The following CLCN5 variants were observed in gnomAD, a reference collection of about 807,000 sequenced individuals.
The protein encoded by CLCN5 is H(+)/Cl(-) exchange transporter 5.
Under a neutral mutation model 54.0 loss-of-function variants are expected in CLCN5, and 17 were observed. The observed-to-expected ratio is 0.31, with a 90% CI of 0.22 to 0.47. The LOEUF (loss-of-function observed/expected upper bound fraction) is 0.47. CLCN5 is among the 20% of genes least tolerant of loss of function. The probability of loss-of-function intolerance (pLI) is 1.00; values close to 1 mark genes in which losing one functional copy is unlikely to be tolerated. For synonymous variants in CLCN5, 222 were observed against 233.0 expected (o/e 0.95, Z 0.43); for missense variants, 448 against 646.7 (o/e 0.69, Z 3.33).
chrX:50,079,610 G>A (rs1557192713), intron 7 of CLCN5, among the ~76,000 whole-genome samples: 1 of 112,022 alleles, frequency 8.9e-6, no homozygotes, highest in East Asian at 2.8e-4. Context: ...TTAAAAAATA[G>A]TTGTTTCCAT....
At chrX:49,999,614 G>A (rs1380590709) in intron 3 of CLCN5, among the ~76,000 whole-genome samples, 1 of 111,106 alleles carries the variant, frequency 9.0e-6, no homozygotes. Flanking sequence ...CCTTTTAGCT[G>A]AGGGGAAAAA....
chrX:50,007,440 T>TCA (rs1198364892), intron 3 of CLCN5, among the ~76,000 whole-genome samples: 4,110 of 69,278 alleles, frequency 0.059, 89 homozygotes, highest in African/African-American at 0.085. Context: ...TCTCTCTCTG[T>TCA]CACACACACA....
intron 3 of CLCN5, among the ~76,000 whole-genome samples, chrX:49,984,026 C>G (rs1347545750): frequency 9.0e-6 from 1 of 111,042 alleles, no homozygotes; most frequent in Admixed American, 9.6e-5. Context: ...GATTGGATAT[C>G]TTTTTGGGGT....
intron 3 of CLCN5, among the ~76,000 whole-genome samples, chrX:49,949,708 G>A (rs1926936633): frequency 9.0e-6 from 1 of 111,446 alleles, no homozygotes; most frequent in Non-Finnish European, 1.9e-5. Flanking sequence ...CCTAAATACT[G>A]TACGTGAATG....
At position 49,938,369 on chromosome X, in the gene CLCN5, C is replaced by T. The variant is rs782064127; in HGVS notation, c.16+13055C>T. On this transcript the variant is annotated intron_variant, in intron 3 of 14. Transcript: ENST00000376091. ...CAAAAGAACAAAGCTGGAGACATCA[C>T]GCTACCTGACTTCAAACTATACTAC... is the stretch of plus-strand genomic sequence containing the variant. Among the ~76,000 whole-genome samples the T allele has an allele frequency of 5.2e-4, 58 of 111,649 alleles. 2 individuals carry two copies. In the Middle Eastern group the frequency reaches 0.014, roughly 26 times the overall value.
chrX:50,094,609 T>C lies in CLCN5; in HGVS notation c.*2390T>C, dbSNP rs1934202349. On this transcript the variant is annotated 3_prime_UTR_variant, in exon 15 of 15. Transcript: ENST00000376091. ...GACAGATGAGCCAGTGTTAAGGTGC[T>C]ACTTCAGAGAATAAATTAGAGAAAT... is the stretch of plus-strand genomic sequence containing the variant. 8.9e-6 allele frequency: 1 copy of C among 112,690 alleles called. No homozygotes were observed. Among genetic ancestry groups the C allele is most frequent in the East Asian group, 2.8e-4 (1 of 3,585 alleles). The allele number at this position is 112,690 out of a possible 1,213,427, so 9.3% of individuals were successfully genotyped here. A position where few individuals can be genotyped will look rare whatever the true frequency, so the allele number is the denominator to read the frequency against.
intron 8 of CLCN5, 143 bp downstream of exon 8, chrX:50,080,859 T>TAGA: frequency 1.9e-6 from 1 of 523,685 alleles, no homozygotes; most frequent in Non-Finnish European, 3.3e-6. Flanking sequence ...ACCTAGGTCT[T>TAGA]TCCACAAGTC....
intron 3 of CLCN5, among the ~76,000 whole-genome samples, chrX:49,991,653 C>A (rs782575721): frequency 6.4e-4 from 72 of 111,888 alleles, no homozygotes; most frequent in African/African-American, 2.1e-3. Flanking sequence ...GTTTTTCTGG[C>A]AAGGTGTTTA....
chrX:49,989,645 G>A (rs1929160778), intron 3 of CLCN5, among the ~76,000 whole-genome samples: 1 of 111,796 alleles, frequency 8.9e-6, no homozygotes, highest in Non-Finnish European at 1.9e-5. Context: ...TAACCTTTTG[G>A]CTACTGTATG....
At chrX:49,965,338 C>T (rs1927787784) in intron 3 of CLCN5, among the ~76,000 whole-genome samples, 1 of 112,045 alleles carries the variant, frequency 8.9e-6, no homozygotes, top group Non-Finnish European at 1.9e-5. Flanking sequence ...TTTCAGTGTA[C>T]ATACAGGTCT....
At chrX:50,025,498 C>G (rs1044696865) in intron 3 of CLCN5, among the ~76,000 whole-genome samples, 1 of 110,909 alleles carries the variant, frequency 9.0e-6, no homozygotes, top group Non-Finnish European at 1.9e-5. Context: ...CATCTTGGCT[C>G]CTCCCCCTAC....
chrX:49,923,729 A>G (rs781906564), intron 2 of CLCN5: 1 of 112,141 alleles, frequency 8.9e-6, no homozygotes, highest in East Asian at 2.8e-4. Flanking sequence ...TGCTGAATTC[A>G]CCCTAGGAGT....
intron 3 of CLCN5, among the ~76,000 whole-genome samples, chrX:49,962,201 AAG>A (rs1184123143): frequency 1.8e-5 from 2 of 112,181 alleles, no homozygotes; most frequent in African/African-American, 6.5e-5. Flanking sequence ...ATTTTATTGA[AAG>A]AGTCAAAAAG....
chrX:49,992,925 A>G (rs1929335864), intron 3 of CLCN5, among the ~76,000 whole-genome samples: 1 of 112,031 alleles, frequency 8.9e-6, no homozygotes, highest in Admixed American at 9.5e-5. Context: ...TAGGGTGTGT[A>G]ACTGGTGTGC....
chrX:49,982,333 C>A (rs1928777008), intron 3 of CLCN5, among the ~76,000 whole-genome samples: 1 of 109,022 alleles, frequency 9.2e-6, no homozygotes, highest in Non-Finnish European at 1.9e-5. Context: ...GGGCCACTGA[C>A]CCGCTGAAAA....
intron 4 of CLCN5, among the ~76,000 whole-genome samples, chrX:50,063,901 A>G (rs1380365667): frequency 9.0e-6 from 1 of 111,004 alleles, no homozygotes; most frequent in Non-Finnish European, 1.9e-5. Context: ...AGAGCCAAAG[A>G]CAAAAACCAT....
intron 3 of CLCN5, among the ~76,000 whole-genome samples, chrX:49,987,556 G>A (rs1377296819): frequency 9.8e-5 from 11 of 111,736 alleles, no homozygotes; most frequent in Admixed American, 1.9e-4. Context: ...GTATGGCAAG[G>A]GGGAAAAACC....
At chrX:50,025,271 C>T (rs1931301620) in intron 3 of CLCN5, among the ~76,000 whole-genome samples, 1 of 67,703 alleles carries the variant, frequency 1.5e-5, no homozygotes, top group African/African-American at 5.8e-5. Context: ...CTTTCTTTGA[C>T]TCGGAAAGGG....
chrX:50,071,414 A>G (rs185578986), intron 5 of CLCN5, among the ~76,000 whole-genome samples: 74 of 112,064 alleles, frequency 6.6e-4, no homozygotes, highest in Non-Finnish European at 4.1e-4. Flanking sequence ...GCCATCTGTA[A>G]TTTACCAGTT....
Sources: gnomAD v4.1 joint callset for allele counts (sites outside exome capture counted in the v4.1 genomes callset) on GRCh38, gnomAD v4.1.1 for gene constraint, MANE v1.5 for transcripts, NCBI Gene and HGNC (gene_info 2026-07-23, HGNC 2026-07-21) for gene names.